DLG2: variants seen among roughly 807,000 people sequenced by gnomAD.
DLG2 encodes the protein disks large homolog 2.
In DLG2, 45 loss-of-function variants were observed where a neutral mutation model predicts 132.5. That is an observed-to-expected ratio of 0.34 (90% confidence interval 0.27 to 0.44). DLG2 has a LOEUF of 0.44. DLG2 is among the 20% of genes least tolerant of loss of function. The pLI is 1.00. For synonymous variants in DLG2, 424 were observed against 419.6 expected (o/e 1.01, Z -0.13); for missense variants, 1,045 against 1,196.9 (o/e 0.87, Z 1.87).
rs200819218 is a variant in DLG2 at position 84,378,993 on chromosome 11, C to CA, written c.520-127703dup. Among the ~76,000 whole-genome samples, 643 of 140,970 alleles carry CA rather than the reference C, an allele frequency of 4.6e-3. 4 individuals carry two copies. The highest frequency in any genetic ancestry group is 8.5e-3 in the African/African-American group (327 of 38,566). 92.5% of individuals were successfully genotyped at this position (140,970 alleles called of 152,430 possible). On this transcript the variant is annotated intron_variant, in intron 7 of 27. Transcript: ENST00000376104. ...AAAAACAAACATAAACAAACAATAA[C>CA]AAAAAAAAAAAGAGTGTAAAGTTGT...
At chr11:84,053,915 T>C (rs560084476) in intron 11 of DLG2, among the ~76,000 whole-genome samples, 1 of 152,142 alleles carries the variant, frequency 6.6e-6, no homozygotes, top group African/African-American at 2.4e-5. Flanking sequence ...AGCTCTGTAA[T>C]GGCAAAAAGT....
At chr11:83,537,532 C>A (rs1436279060) in intron 20 of DLG2, among the ~76,000 whole-genome samples, 1 of 152,026 alleles carries the variant, frequency 6.6e-6, no homozygotes, top group Admixed American at 6.6e-5. Flanking sequence ...GAGCATGGGA[C>A]AGCCAGGCGC....
chr11:84,104,403 G>A lies in DLG2; in HGVS notation c.625-5356C>T, dbSNP rs182377646. ...CATGAACATAAAGATGGGGACAATA[G>A]ATACTGGGAAATATAAGAGGGAAGA... is the stretch of plus-strand genomic sequence containing the variant. On this transcript the variant is annotated intron_variant, in intron 9 of 27. Coordinates refer to ENST00000376104, the MANE Select transcript of DLG2 (RefSeq NM_001142699.3). Among the ~76,000 whole-genome samples the A allele has an allele frequency of 1.5e-3, 221 of 152,128 alleles. 1 individual carries two copies. Among genetic ancestry groups the A allele is most frequent in the Non-Finnish European group, 2.7e-3 (182 of 67,964 alleles).
intron 6 of DLG2, among the ~76,000 whole-genome samples, chr11:84,934,376 T>C (rs897516726): frequency 1.3e-5 from 2 of 151,946 alleles, no homozygotes; most frequent in African/African-American, 4.8e-5. Context: ...ATCAGAATGA[T>C]ACGGGCCTCA....
chr11:83,823,918 C>T (rs796165654), intron 17 of DLG2, among the ~76,000 whole-genome samples: 6 of 152,206 alleles, frequency 3.9e-5, no homozygotes, highest in African/African-American at 1.4e-4. Context: ...GTATGGACTG[C>T]CTCAGACATA....
At chr11:84,939,421 T>C (rs1055528762) in intron 6 of DLG2, among the ~76,000 whole-genome samples, 1 of 121,354 alleles carries the variant, frequency 8.2e-6, no homozygotes, top group Non-Finnish European at 1.8e-5. Context: ...ATTTTACTTT[T>C]AGTTATTTTG....
chr11:84,550,139 CACACACACACAT>C (rs2099398995), intron 6 of DLG2, among the ~76,000 whole-genome samples: 1 of 151,932 alleles, frequency 6.6e-6, no homozygotes, highest in Non-Finnish European at 1.5e-5. Context: ...CACACACACA[CACACACACACAT>C]ACACACACAT....
At chr11:83,762,069 T>C (rs1010772386) in intron 18 of DLG2, among the ~76,000 whole-genome samples, 1 of 152,156 alleles carries the variant, frequency 6.6e-6, no homozygotes, top group African/African-American at 2.4e-5. Context: ...GCAGATGATA[T>C]GTAAGTAAAA....
At chr11:84,956,996 GC>G (rs2051765684) in intron 6 of DLG2, among the ~76,000 whole-genome samples, 1 of 152,156 alleles carries the variant, frequency 6.6e-6, no homozygotes, top group African/African-American at 2.4e-5. Flanking sequence ...TATTAATTGT[GC>G]TTTCAAATGC....
intron 12 of DLG2, among the ~76,000 whole-genome samples, chr11:83,979,716 G>A (rs1329016059): frequency 1.3e-5 from 2 of 152,122 alleles, no homozygotes; most frequent in Non-Finnish European, 2.9e-5. Flanking sequence ...ACATGTAGCA[G>A]AACTCAGATT....
chr11:83,535,051 G>A (rs1387542242), intron 20 of DLG2, among the ~76,000 whole-genome samples: 3 of 152,230 alleles, frequency 2.0e-5, no homozygotes, highest in African/African-American at 7.2e-5. Flanking sequence ...AAGCAAGACA[G>A]ATTTCAGATA....
intron 21 of DLG2, among the ~76,000 whole-genome samples, chr11:83,524,998 CTT>C (rs2095571244): frequency 6.6e-6 from 1 of 152,172 alleles, no homozygotes; most frequent in East Asian, 1.9e-4. Flanking sequence ...AATGGCAGTG[CTT>C]TGTGGACCCA....
intron 4 of DLG2, among the ~76,000 whole-genome samples, chr11:85,191,481 A>G (rs1226458014): frequency 6.6e-6 from 1 of 152,194 alleles, no homozygotes; most frequent in Non-Finnish European, 1.5e-5. Context: ...TGCAAGGAAG[A>G]AAACAGTCCT....
intron 11 of DLG2, among the ~76,000 whole-genome samples, chr11:84,015,449 T>A (rs1474963448): frequency 6.6e-6 from 1 of 152,164 alleles, no homozygotes; most frequent in Admixed American, 6.6e-5. Flanking sequence ...CGGTGTGCCA[T>A]GGTGGTTTGC....
intron 18 of DLG2, among the ~76,000 whole-genome samples, chr11:83,672,738 T>C (rs1270581611): frequency 6.6e-6 from 1 of 152,150 alleles, no homozygotes; most frequent in Non-Finnish European, 1.5e-5. Context: ...GCTAGGCATA[T>C]AGGGATGAAT....
chr11:85,128,672 A>G (rs923353461), intron 5 of DLG2, among the ~76,000 whole-genome samples: 2 of 152,096 alleles, frequency 1.3e-5, no homozygotes, highest in African/African-American at 4.8e-5. Context: ...TCTGCCTAAC[A>G]TTATTTTCCT....
chr11:85,088,340 T>C (rs1183101528), intron 6 of DLG2, among the ~76,000 whole-genome samples: 4 of 152,342 alleles, frequency 2.6e-5, no homozygotes, highest in East Asian at 1.9e-4. Flanking sequence ...CTTTCAAATT[T>C]CATGCATTTT....
chr11:83,676,779 A>G (rs996811172), intron 18 of DLG2, among the ~76,000 whole-genome samples: 3 of 152,146 alleles, frequency 2.0e-5, no homozygotes, highest in Admixed American at 1.3e-4. Flanking sequence ...CTTATCTGTT[A>G]CTGTCATGGC....
intron 16 of DLG2, among the ~76,000 whole-genome samples, chr11:83,855,693 G>A (rs778683026): frequency 2.0e-4 from 30 of 152,104 alleles, no homozygotes; most frequent in Non-Finnish European, 3.4e-4. Context: ...GGTAAAAGAA[G>A]ATACAATTTT....
Sources: gnomAD v4.1 joint callset for allele counts (sites outside exome capture counted in the v4.1 genomes callset) on GRCh38, gnomAD v4.1.1 for gene constraint, MANE v1.5 for transcripts, NCBI Gene and HGNC (gene_info 2026-07-23, HGNC 2026-07-21) for gene names.